The following PTPRT variants were observed in gnomAD, a reference collection of about 807,000 sequenced individuals.
The protein encoded by PTPRT is receptor-type tyrosine-protein phosphatase T.
PTPRT carries 56 observed loss-of-function variants against 176.8 expected under a neutral mutation model. The observed-to-expected ratio is 0.32, with a 90% CI of 0.26 to 0.40. The LOEUF (loss-of-function observed/expected upper bound fraction) is 0.40. Among genes scored for constraint, PTPRT ranks in the 10% least tolerant of loss-of-function variants. PTPRT has a pLI of 1.00. For synonymous variants in PTPRT, 783 were observed against 739.0 expected, an observed-to-expected ratio of 1.06 and a Z score of -0.96; for missense variants, 1,540 against 1,908.2, an observed-to-expected ratio of 0.81 and a Z score of 3.60.
intron 2 of PTPRT, among the ~76,000 whole-genome samples, chr20:42,871,299 C>G (rs1050030285): frequency 5.7e-5 from 6 of 106,074 alleles, no homozygotes; most frequent in African/African-American, 2.2e-4. Context: ...GGACAAATGT[C>G]TATTTCAGCC....
chr20:42,255,772 T>C (rs533540596), intron 13 of PTPRT, among the ~76,000 whole-genome samples: 1 of 152,290 alleles, frequency 6.6e-6, no homozygotes, highest in South Asian at 2.1e-4. Flanking sequence ...ATAAAGAACA[T>C]TTAATTGCAA....
intron 6 of PTPRT, among the ~76,000 whole-genome samples, chr20:42,743,674 C>CA (rs1267400788): frequency 2.0e-5 from 3 of 152,152 alleles, no homozygotes; most frequent in African/African-American, 7.2e-5. Flanking sequence ...GTCCGCTAAG[C>CA]ACGGCTTCTG....
At chr20:43,133,544 G>C (rs1039170232) in intron 1 of PTPRT, among the ~76,000 whole-genome samples, 2 of 152,074 alleles carry the variant, frequency 1.3e-5, no homozygotes, top group Non-Finnish European at 2.9e-5. Flanking sequence ...AGGAGATTGA[G>C]ACCATCCTGG....
chr20:42,411,862 T>C (rs191869928), intron 9 of PTPRT, among the ~76,000 whole-genome samples: 1 of 150,932 alleles, frequency 6.6e-6, no homozygotes, highest in East Asian at 1.9e-4. Context: ...AAAAAAATAG[T>C]ATCAGAGAAA....
chr20:43,098,955 C>T (rs183145472), intron 1 of PTPRT, among the ~76,000 whole-genome samples: 2 of 152,214 alleles, frequency 1.3e-5, no homozygotes, highest in Admixed American at 1.3e-4. Context: ...ATTTTCAGCC[C>T]TGCAGTATAC....
At chr20:42,919,396 A>G (rs1481171541) in intron 1 of PTPRT, among the ~76,000 whole-genome samples, 1 of 152,160 alleles carries the variant, frequency 6.6e-6, no homozygotes, top group Non-Finnish European at 1.5e-5. Context: ...CTACAGATGG[A>G]TGACAATGGG....
Position 42,350,628 on chromosome 20 carries a change from C to T in PTPRT, c.1865G>A (p.Ser622Asn). ...KPAQSRGAPV[S>N]VYQLVVKEER... is the part of the protein sequence containing the mutation. ...ACTCCAAGTGAAGAACCATCCTCACCTGACAGGAGCTCCCCGGGACTGAGC... is the reference window on the plus strand; with the variant it reads ...ACTCCAAGTGAAGAACCATCCTCACTTGACAGGAGCTCCCCGGGACTGAGC... Residue 622 changes from serine (S) to asparagine (N), a missense_variant and splice_region_variant, in exon 11 of 31, where the codon AGT becomes AAT. Physicochemically the swap from Ser to Asn is conservative, Grantham distance 46. Around this residue, in one of 11 missense-constraint regions of PTPRT, gnomAD observed 81 missense variants for 89.9 expected, o/e 0.90. Transcript: ENST00000373187. 6.2e-7 allele frequency: 1 copy of T among 1,601,702 alleles called. No individual in the cohort carries two copies. Among genetic ancestry groups the T allele is most frequent in the Non-Finnish European group, 8.6e-7 (1 of 1,168,656 alleles).
At chr20:43,089,170 C>A (rs1038106225) in intron 1 of PTPRT, among the ~76,000 whole-genome samples, 1 of 152,182 alleles carries the variant, frequency 6.6e-6, no homozygotes, top group African/African-American at 2.4e-5. Flanking sequence ...TTATCCCCAA[C>A]TAATAAATGA....
At chr20:43,076,296 T>C (rs1037699028) in intron 1 of PTPRT, among the ~76,000 whole-genome samples, 1 of 152,210 alleles carries the variant, frequency 6.6e-6, no homozygotes, top group African/African-American at 2.4e-5. Context: ...CACTAAATTC[T>C]GTGATTCATC....
At chr20:42,153,552 T>C (rs970235809) in intron 17 of PTPRT, among the ~76,000 whole-genome samples, 7 of 152,192 alleles carry the variant, frequency 4.6e-5, no homozygotes, top group Admixed American at 3.3e-4. Flanking sequence ...AGAAACAATA[T>C]TGTAAGTAGA....
intron 10 of PTPRT, among the ~76,000 whole-genome samples, chr20:42,351,671 G>A (rs1311093122): frequency 7.1e-6 from 1 of 140,978 alleles, no homozygotes; most frequent in African/African-American, 2.7e-5. Context: ...GGACTACTGT[G>A]GCCCTATAAT....
intron 1 of PTPRT, among the ~76,000 whole-genome samples, chr20:43,040,688 C>A (rs1340585005): frequency 6.6e-6 from 1 of 152,208 alleles, no homozygotes. Context: ...GCCGGTTTGT[C>A]TCTTCTTTCC....
At chr20:43,120,335 G>A (rs892133197) in intron 1 of PTPRT, among the ~76,000 whole-genome samples, 10 of 151,086 alleles carry the variant, frequency 6.6e-5, no homozygotes, top group African/African-American at 1.5e-4. Context: ...GCAGTGGCGC[G>A]ACCTCGGCTC....
chr20:42,698,674 C>T (rs2075923595), intron 6 of PTPRT, among the ~76,000 whole-genome samples: 1 of 152,142 alleles, frequency 6.6e-6, no homozygotes, highest in Admixed American at 6.5e-5. Flanking sequence ...CTCCAATATG[C>T]AGCCAAGTTG....
intron 27 of PTPRT, 46 bp from the exon 28 acceptor site, chr20:42,085,899 C>A: frequency 6.5e-7 from 1 of 1,541,960 alleles, no homozygotes. Flanking sequence ...AGGCAGGGGG[C>A]GGGTATCAAA....
chr20:42,961,336 C>T (rs1363525633), intron 1 of PTPRT, among the ~76,000 whole-genome samples: 6 of 152,076 alleles, frequency 3.9e-5, no homozygotes, highest in Admixed American at 3.9e-4. Flanking sequence ...TTCTTTTATC[C>T]CTCATTCCAA....
intron 2 of PTPRT, among the ~76,000 whole-genome samples, chr20:42,884,283 C>A (rs2079069925): frequency 6.6e-6 from 1 of 152,182 alleles, no homozygotes; most frequent in African/African-American, 2.4e-5. Context: ...CACAGCCTAA[C>A]TTTATTACAC....
chr20:42,780,572 T>G (rs1181632436), intron 3 of PTPRT, among the ~76,000 whole-genome samples: 1 of 152,058 alleles, frequency 6.6e-6, no homozygotes, highest in Non-Finnish European at 1.5e-5. Flanking sequence ...AACACCGAGG[T>G]CTCGGAAACC....
rs8116664 is a variant in PTPRT at position 42,514,955 on chromosome 20, C to T, written c.1154-42393G>A. ...GTAACTTATAGTATGACCTCATTAC[C>T]GGGAGGGCAGCAATCTTCATGATTT... On this transcript the variant is annotated intron_variant, in intron 7 of 30. Transcript: ENST00000373187. 3.3e-3 allele frequency among the ~76,000 whole-genome samples: 495 copies of T among 152,236 alleles called. 5 individuals carry two copies. The highest frequency in any genetic ancestry group is 0.01 in the African/African-American group (436 of 41,546).
Sources: allele counts gnomAD v4.1 joint callset (sites outside exome capture counted in the v4.1 genomes callset), GRCh38; gene constraint gnomAD v4.1.1; regional missense constraint gnomAD v4.1.1; transcripts MANE v1.5; gene names NCBI Gene and HGNC (gene_info 2026-07-23, HGNC 2026-07-21).